The following SYCP2 variants were observed in gnomAD, a reference collection of about 807,000 sequenced individuals.
SYCP2 encodes synaptonemal complex lateral element protein.
A neutral mutation model predicts 211.3 loss-of-function variants in SYCP2; 55 were observed. The ratio of observed to expected loss-of-function variants is 0.26; its 90% CI spans 0.21 to 0.33. The LOEUF (loss-of-function observed/expected upper bound fraction) is 0.33, where lower values mean the gene tolerates loss of function less well. SYCP2 is among the 10% of genes least tolerant of loss of function. The probability of loss-of-function intolerance (pLI) is 1.00; values close to 1 mark genes in which losing one functional copy is unlikely to be tolerated. For synonymous variants in SYCP2, 570 were observed against 555.2 expected (o/e 1.03, Z -0.37); for missense variants, 1,731 against 1,752.0 (o/e 0.99, Z 0.21).
In SYCP2 at chr20:59,907,158, G is replaced by C. The variant is rs147974288; in HGVS notation, c.1033+206C>G. Reference sequence around the variant, plus strand: ...AAACTGGATCACTGGTTTTAGACTAGACAGGGAAGGAGGTAAGTACAGGGG... The same window carrying C: ...AAACTGGATCACTGGTTTTAGACTACACAGGGAAGGAGGTAAGTACAGGGG... On this transcript the variant is annotated intron_variant, in intron 15 of 44. Transcript: ENST00000357552. 3.3e-3 allele frequency among the ~76,000 whole-genome samples: 509 copies of C among 152,224 alleles called. 4 individuals are homozygous for C. The highest frequency in any genetic ancestry group is 0.011 in the African/African-American group (458 of 41,548).
chr20:59,881,185 A>AGG (rs1429059977), intron 29 of SYCP2, among the ~76,000 whole-genome samples, 162 bp from the exon 30 acceptor site: 1 of 151,818 alleles, frequency 6.6e-6, no homozygotes, highest in Non-Finnish European at 1.5e-5. Context: ...TCAGTTATAA[A>AGG]ATAACTATAT....
In SYCP2 at chr20:59,883,637, TAA is replaced by T. The variant is rs79070220; in HGVS notation, c.2530-1474_2530-1473del. ...ATGATCTCCCTTATATGTGGAATCT[TAA>T]AAAAAAAAAAATGTCAAATCTATAG... On this transcript the variant is annotated intron_variant, in intron 26 of 44. Transcript: ENST00000357552. 1.4e-3 allele frequency among the ~76,000 whole-genome samples: 206 copies of T among 143,210 alleles called. 3 individuals carry two copies. The South Asian group carries it at 0.018, about 12-fold the overall frequency. The allele number at this position is 143,210 out of a possible 152,430, so 94.0% of individuals were successfully genotyped here. A position where few individuals can be genotyped will look rare whatever the true frequency, so the allele number is the denominator to read the frequency against.
intron 9 of SYCP2, 95 bp from the exon 10 acceptor site, chr20:59,915,294 C>A: frequency 9.1e-7 from 1 of 1,099,184 alleles, no homozygotes; most frequent in Non-Finnish European, 1.3e-6. Context: ...CAAAAATTTA[C>A]AATTGGCTAA....
intron 1 of SYCP2, among the ~76,000 whole-genome samples, chr20:59,932,359 G>C (rs2060767660): frequency 6.6e-6 from 1 of 151,706 alleles, no homozygotes; most frequent in African/African-American, 2.4e-5. Context: ...GGGAGGGAAG[G>C]CGTCCTCCTC....
At chr20:59,871,859 T>G (rs1350977256) in intron 35 of SYCP2, among the ~76,000 whole-genome samples, 2 of 151,938 alleles carry the variant, frequency 1.3e-5, no homozygotes, top group Non-Finnish European at 2.9e-5. Context: ...ACAGACACAA[T>G]TAAAAATATA....
chr20:59,900,797 T>G lies in SYCP2; in HGVS notation c.1204A>C (p.Ile402Leu). Residue 402 changes from isoleucine (I) to leucine (L), a missense_variant, in exon 17 of 45, where the codon ATT (isoleucine) becomes CTT (leucine). This residue lies in a region of SYCP2 where 1,387 missense variants were observed against 1,351.3 expected (regional missense o/e 1.03). Coordinates refer to ENST00000357552, the MANE Select transcript of SYCP2 (RefSeq NM_014258.4). Reference protein sequence around the residue: ...KHRESIRKQGISVAKTSLHIL... With the variant: ...KHRESIRKQGLSVAKTSLHIL... ...TGCAGCGACGTTTTGGCAACTGAAATACCTTGTTTTCTGATAGATTCCTAA... is the reference window on the plus strand; with the variant it reads ...TGCAGCGACGTTTTGGCAACTGAAAGACCTTGTTTTCTGATAGATTCCTAA... 6.2e-7 allele frequency: 1 copy of G among 1,612,088 alleles called. No homozygotes were observed. Among genetic ancestry groups the G allele is most frequent in the Middle Eastern group, 1.7e-4 (1 of 6,052 alleles).
intron 40 of SYCP2, 36 bp from the exon 41 acceptor site, chr20:59,866,428 CTG>C (rs1568898379): frequency 1.3e-6 from 2 of 1,559,722 alleles, no homozygotes; most frequent in Non-Finnish European, 1.8e-6. Flanking sequence ...ATTTTAAAAA[CTG>C]TAGCATTCAG....
chr20:59,893,443 C>T lies in SYCP2; in HGVS notation c.1735+81G>A, dbSNP rs902994414. On this transcript the variant is annotated intron_variant, in intron 21 of 44. Coordinates refer to ENST00000357552, the MANE Select transcript of SYCP2 (RefSeq NM_014258.4). The stretch of plus-strand genomic sequence containing the variant: ...AAATCTTTTTCAAATCAATGAAAGC[C>T]AGTGGGGTTAAATGGTAATACAGGG... 15 of 906,164 alleles carry T rather than the reference C, an allele frequency of 1.7e-5. No individual in the cohort carries two copies. The African/African-American group carries it at 2.2e-4, about 13-fold the overall frequency. The allele number at this position is 906,164 out of a possible 1,614,324, so 56.1% of individuals were successfully genotyped here.
intron 33 of SYCP2, 33 bp from the exon 34 acceptor site, chr20:59,875,502 A>G (rs548447692): frequency 6.6e-7 from 1 of 1,516,334 alleles, no homozygotes; most frequent in South Asian, 1.2e-5. Flanking sequence ...AATTATACTC[A>G]AGTACAAATA....
At chr20:59,872,891 T>G (rs1395243387) in intron 35 of SYCP2, among the ~76,000 whole-genome samples, 1 of 152,100 alleles carries the variant, frequency 6.6e-6, no homozygotes, top group Non-Finnish European at 1.5e-5. Context: ...AGTAAATTGA[T>G]AATTTAGTTG....
chr20:59,887,672 T>A (rs1362087302), intron 24 of SYCP2, among the ~76,000 whole-genome samples: 1 of 151,672 alleles, frequency 6.6e-6, no homozygotes, highest in East Asian at 1.9e-4. Context: ...AACAGAACTG[T>A]ACAGAGTGCT....
chr20:59,881,078 G>T, intron 29 of SYCP2, 55 bp from the exon 30 acceptor site: 1 of 1,026,180 alleles, frequency 9.7e-7, no homozygotes, highest in Non-Finnish European at 1.4e-6. Flanking sequence ...GTTTTCTTAA[G>T]GTAATACACA....
intron 5 of SYCP2, 121 bp downstream of exon 5, chr20:59,920,238 T>C (rs2060515997): frequency 1.2e-6 from 1 of 853,532 alleles, no homozygotes; most frequent in Non-Finnish European, 1.8e-6. Flanking sequence ...AAATGTTTTA[T>C]TCCCAAAATT....
intron 18 of SYCP2, among the ~76,000 whole-genome samples, chr20:59,897,323 A>G (rs1352854813): frequency 2.6e-5 from 4 of 152,218 alleles, no homozygotes; most frequent in Non-Finnish European, 5.9e-5. Flanking sequence ...TTCTAAGATT[A>G]ACTAGAAAAC....
At chr20:59,883,831 C>G (rs1427562607) in intron 26 of SYCP2, among the ~76,000 whole-genome samples, 4 of 151,960 alleles carry the variant, frequency 2.6e-5, no homozygotes, top group Non-Finnish European at 5.9e-5. Context: ...ATATATAATA[C>G]AGTATTGTAT....
chr20:59,876,429 T>C (rs1600826783), intron 33 of SYCP2, among the ~76,000 whole-genome samples: 1 of 87,680 alleles, frequency 1.1e-5, no homozygotes, highest in South Asian at 3.8e-4. Context: ...TGATAGAAAA[T>C]GTAGACCTAA....
At chr20:59,869,084 TGTTAACCTTGATTCTAA>T (rs1439665516) in intron 36 of SYCP2, among the ~76,000 whole-genome samples, 159 bp from the exon 37 acceptor site, 1 of 151,826 alleles carries the variant, frequency 6.6e-6, no homozygotes, top group African/African-American at 2.4e-5. Context: ...ATTTACCATG[TGTTAACCTTGATTCTAA>T]GTTGACCTCA....
Position 59,893,216 on chromosome 20 carries a change from T to C in SYCP2, c.1736-17A>G, listed in dbSNP as rs766124997. ...GGAGTTCACCTAAATAAAACAAATA[T>C]TATAATATTTTCATTTTTTTCATGC... On this transcript the variant is annotated splice_polypyrimidine_tract_variant and intron_variant, in intron 21 of 44. Coordinates refer to ENST00000357552, the MANE Select transcript of SYCP2 (RefSeq NM_014258.4). 108 of 1,556,384 alleles carry C rather than the reference T, an allele frequency of 6.9e-5. No homozygotes were observed. Among genetic ancestry groups the C allele is most frequent in the Non-Finnish European group, 8.8e-5 (100 of 1,142,380 alleles).
intron 22 of SYCP2, 116 bp downstream of exon 22, chr20:59,893,026 G>A (rs1443808655): frequency 1.3e-6 from 1 of 758,822 alleles, no homozygotes; most frequent in East Asian, 2.6e-5. Context: ...CATAACACTT[G>A]AGAGATGATT....
Sources: allele counts gnomAD v4.1 joint callset (sites outside exome capture counted in the v4.1 genomes callset), GRCh38; gene constraint gnomAD v4.1.1; regional missense constraint gnomAD v4.1.1; transcripts MANE v1.5; gene names NCBI Gene and HGNC (gene_info 2026-07-23, HGNC 2026-07-21).